The following DTNB variants were observed in gnomAD, a reference collection of about 807,000 sequenced individuals.
DTNB encodes DTN-B.
DTNB carries 63 observed loss-of-function variants against 90.7 expected under a neutral mutation model. The ratio of observed to expected loss-of-function variants is 0.69; its 90% confidence interval spans 0.57 to 0.86. The LOEUF (loss-of-function observed/expected upper bound fraction) is 0.86. Ranked by LOEUF, DTNB falls within the 40% of genes least tolerant of loss-of-function variation. The probability of loss-of-function intolerance (pLI) is 0.00; values close to 1 mark genes in which losing one functional copy is unlikely to be tolerated. For synonymous variants in DTNB, 277 were observed against 286.7 expected, an observed-to-expected ratio of 0.97 and a Z score of 0.34; for missense variants, 744 against 807.1, an observed-to-expected ratio of 0.92 and a Z score of 0.95.
At chr2:25,669,776 C>T (rs891466989) in intron 1 of DTNB, among the ~76,000 whole-genome samples, 4 of 151,944 alleles carry the variant, frequency 2.6e-5, no homozygotes, top group African/African-American at 7.3e-5. Context: ...AGCAACATGG[C>T]GAGACTGCAT....
chr2:25,608,305 C>G (rs191407905), intron 4 of DTNB, among the ~76,000 whole-genome samples: 84 of 152,300 alleles, frequency 5.5e-4, no homozygotes, highest in South Asian at 1.9e-3. Flanking sequence ...TCCACACTGT[C>G]TTTATATACA....
At chr2:25,456,077 C>T (rs72797617) in intron 10 of DTNB, among the ~76,000 whole-genome samples, 3,839 of 152,332 alleles carry the variant, frequency 0.025, 65 homozygotes, top group Non-Finnish European at 0.036. Context: ...ACTATATACT[C>T]TGAGTGAGGC....
intron 15 of DTNB, among the ~76,000 whole-genome samples, chr2:25,425,975 G>A (rs946210692): frequency 3.9e-5 from 6 of 152,164 alleles, no homozygotes; most frequent in Non-Finnish European, 4.4e-5. Context: ...GCTGAGGAAG[G>A]AGGATCCCTT....
At chr2:25,520,375 C>G (rs1245042361) in intron 9 of DTNB, among the ~76,000 whole-genome samples, 6 of 152,056 alleles carry the variant, frequency 3.9e-5, no homozygotes, top group African/African-American at 1.2e-4. Context: ...CCGTCTCAAA[C>G]AAACAAACAA....
At chr2:25,504,105 T>C (rs1339330059) in intron 9 of DTNB, among the ~76,000 whole-genome samples, 1 of 151,828 alleles carries the variant, frequency 6.6e-6, no homozygotes, top group African/African-American at 2.4e-5. Context: ...CTGTCTCTAC[T>C]AAAAATACAA....
intron 9 of DTNB, among the ~76,000 whole-genome samples, chr2:25,486,711 A>G (rs1024692482): frequency 3.9e-5 from 6 of 152,200 alleles, no homozygotes; most frequent in African/African-American, 1.4e-4. Context: ...TGGTTCTTGT[A>G]AGACATAACT....
intron 8 of DTNB, among the ~76,000 whole-genome samples, chr2:25,574,037 GTCT>G (rs1416969241): frequency 2.0e-5 from 3 of 152,034 alleles, no homozygotes; most frequent in Non-Finnish European, 4.4e-5. Flanking sequence ...TTTATTAACT[GTCT>G]TCTTCTGGAA....
In DTNB at chr2:25,603,837, G is replaced by C. The variant is rs574683236; in HGVS notation, c.448+3399C>G. Among the ~76,000 whole-genome samples the C allele has an allele frequency of 1.7e-3, 261 of 152,252 alleles. 1 individual carries two copies. Among genetic ancestry groups the C allele is most frequent in the Non-Finnish European group, 3.0e-3 (201 of 68,026 alleles). ...ATGAGAAAGTGAATAAACAATCAAAGATCATTTGCTGTTACAATACAGTGT... is the reference window on the plus strand; with the variant it reads ...ATGAGAAAGTGAATAAACAATCAAACATCATTTGCTGTTACAATACAGTGT... On this transcript the variant is annotated intron_variant, in intron 5 of 20. Transcript: ENST00000406818.
At chr2:25,556,608 A>T in intron 8 of DTNB, among the ~76,000 whole-genome samples, 1 of 152,228 alleles carries the variant, frequency 6.6e-6, no homozygotes, top group East Asian at 1.9e-4. Context: ...TGAAATATAT[A>T]GACAAATAAG....
At chr2:25,617,700 C>A (rs1328354497) in intron 4 of DTNB, among the ~76,000 whole-genome samples, 2 of 152,054 alleles carry the variant, frequency 1.3e-5, no homozygotes, top group East Asian at 3.9e-4. Context: ...TGAGACCAGC[C>A]TCAAACTGTA....
intron 8 of DTNB, among the ~76,000 whole-genome samples, chr2:25,555,300 A>C (rs1351928844): frequency 6.6e-6 from 1 of 151,694 alleles, no homozygotes; most frequent in Admixed American, 6.6e-5. Context: ...CCAAAAAAAA[A>C]AAAAAAAAAC....
At chr2:25,551,483 G>C (rs1325797417) in intron 8 of DTNB, among the ~76,000 whole-genome samples, 1 of 152,176 alleles carries the variant, frequency 6.6e-6, no homozygotes, top group South Asian at 2.1e-4. Context: ...GGGGATCCTT[G>C]GCTGAATCTG....
chr2:25,607,314 G>A lies in DTNB; in HGVS notation c.370C>T (p.Arg124Ter), dbSNP rs370639180. The A allele has an allele frequency of 1.3e-5, 20 of 1,598,014 alleles. No homozygotes were observed. The highest frequency in any genetic ancestry group is 2.3e-5 in the South Asian group (2 of 87,958). Reference protein sequence around the residue: ...FMIAAYDSEGRGKLTVFSVKA... With the variant: ...FMIAAYDSEG ...ACTGAAAATACCGTCAACTTGCCTC[G>A]GCCCTCACTGCAAAATAAATTATAT... The change falls in exon 5 of 21, where the codon CGA becomes TGA. Residue 124 changes from arginine to a stop codon, truncating the protein, a stop_gained. Coordinates refer to ENST00000406818, the MANE Select transcript of DTNB (RefSeq NM_021907.5). LOFTEE classifies it high-confidence loss of function.
intron 15 of DTNB, among the ~76,000 whole-genome samples, chr2:25,426,259 T>C (rs985791103): frequency 4.6e-5 from 7 of 152,176 alleles, no homozygotes; most frequent in African/African-American, 1.2e-4. Flanking sequence ...CCAAAAGAGA[T>C]TGGCATTTGA....
intron 4 of DTNB, among the ~76,000 whole-genome samples, chr2:25,609,679 C>T (rs1021072501): frequency 2.0e-5 from 3 of 148,978 alleles, no homozygotes; most frequent in African/African-American, 7.5e-5. Flanking sequence ...CACACACACA[C>T]ACACACACAC....
intron 10 of DTNB, among the ~76,000 whole-genome samples, chr2:25,461,186 G>A (rs1224658693): frequency 2.0e-5 from 3 of 152,240 alleles, no homozygotes; most frequent in Admixed American, 6.5e-5. Context: ...TTACAGGCGT[G>A]AGCCACCAGG....
intron 16 of DTNB, among the ~76,000 whole-genome samples, chr2:25,398,990 G>A (rs1366541852): frequency 6.6e-6 from 1 of 152,196 alleles, no homozygotes; most frequent in African/African-American, 2.4e-5. Context: ...AAGTGGAAAA[G>A]AGCAGGAAAA....
At chr2:25,526,461 T>C (rs2077214357) in intron 9 of DTNB, among the ~76,000 whole-genome samples, 1 of 147,762 alleles carries the variant, frequency 6.8e-6, no homozygotes, top group Non-Finnish European at 1.5e-5. Flanking sequence ...AATGGCGCGA[T>C]CTCAGCTCAC....
At chr2:25,391,771 C>A (rs960866912) in intron 16 of DTNB, among the ~76,000 whole-genome samples, 1 of 152,120 alleles carries the variant, frequency 6.6e-6, no homozygotes, top group Non-Finnish European at 1.5e-5. Flanking sequence ...CAAAAGGAAC[C>A]CTCAAAACCA....
Sources: allele counts gnomAD v4.1 joint callset (sites outside exome capture counted in the v4.1 genomes callset), GRCh38; gene constraint gnomAD v4.1.1; transcripts MANE v1.5; gene names NCBI Gene and HGNC (gene_info 2026-07-23, HGNC 2026-07-21).